CACNA1I: variants seen among roughly 807,000 people sequenced by gnomAD.
CACNA1I encodes voltage-dependent T-type calcium channel subunit alpha-1I.
A neutral mutation model predicts 201.6 loss-of-function variants in CACNA1I; 74 were observed. The ratio of observed to expected loss-of-function variants is 0.37; its 90% CI spans 0.30 to 0.45. CACNA1I has a LOEUF of 0.45. CACNA1I is among the 20% of genes least tolerant of loss of function. The pLI is 1.00. For missense variants in CACNA1I, 2,346 were observed against 3,138.1 expected (o/e 0.75, Z 6.03); for synonymous variants, 1,431 against 1,345.2 (o/e 1.06, Z -1.40).
At chr22:39,644,933 C>T (rs1287201802) in intron 7 of CACNA1I, among the ~76,000 whole-genome samples, 3 of 152,040 alleles carry the variant, frequency 2.0e-5, no homozygotes, top group Non-Finnish European at 4.4e-5. Flanking sequence ...AGTGATCCTC[C>T]TGCCTTGGCT....
chr22:39,671,161 G>T (rs1035371729), intron 26 of CACNA1I, among the ~76,000 whole-genome samples: 1 of 152,192 alleles, frequency 6.6e-6, no homozygotes, highest in African/African-American at 2.4e-5. Flanking sequence ...GGAAGGGAAC[G>T]GTCAGAGGGA....
At chr22:39,657,324 T>A (rs997178189) in intron 10 of CACNA1I, among the ~76,000 whole-genome samples, 2 of 152,200 alleles carry the variant, frequency 1.3e-5, no homozygotes, top group African/African-American at 4.8e-5. Context: ...CTAGTGGCTT[T>A]GGGCAGGTCC....
At chr22:39,590,848 T>G (rs1012211735) in intron 1 of CACNA1I, among the ~76,000 whole-genome samples, 1 of 152,138 alleles carries the variant, frequency 6.6e-6, no homozygotes, top group Non-Finnish European at 1.5e-5. Flanking sequence ...CAGATTCTTT[T>G]TGATTTTTAT....
In CACNA1I at chr22:39,600,629, T is replaced by C; in HGVS notation, c.458T>C (p.Leu153Pro). 1 of 1,606,918 alleles carries C rather than the reference T, an allele frequency of 6.2e-7. No individual in the cohort carries two copies. The highest frequency in any genetic ancestry group is 8.5e-7 in the Non-Finnish European group (1 of 1,177,144). ...TACCTCGGGGACACATGGAACCGCCTGGATTTCTTCATCGTCATGGCAGGG... is the reference window on the plus strand; with the variant it reads ...TACCTCGGGGACACATGGAACCGCCCGGATTTCTTCATCGTCATGGCAGGG... ...KCYLGDTWNR[L>P]DFFIVMAGMV... Residue 153 changes from leucine to proline, a missense_variant, in exon 3 of 37, where the codon CTG (leucine) becomes CCG (proline). Physicochemically the swap from Leu to Pro is moderately conservative, Grantham distance 98. Around this residue, in one of 13 missense-constraint regions of CACNA1I, gnomAD observed 227 missense variants for 412.5 expected, o/e 0.55. Coordinates refer to ENST00000402142, the MANE Select transcript of CACNA1I (RefSeq NM_021096.4).
At position 39,685,715 on chromosome 22, in the gene CACNA1I, G is replaced by T; in HGVS notation, c.6028-46G>T. The T allele has an allele frequency of 7.1e-7, 1 of 1,402,956 alleles. No individual in the cohort carries two copies. Among genetic ancestry groups the T allele is most frequent in the Non-Finnish European group, 9.2e-7 (1 of 1,086,116 alleles). The allele number at this position is 1,402,956 out of a possible 1,614,324, so 86.9% of individuals were successfully genotyped here. ...GGAGGGCGGCGTCCAGGTTGCTGGG[G>T]TGGGGGCCGACACAGGCGGCCTCCA... On this transcript the variant is annotated intron_variant, in intron 36 of 36. Coordinates refer to ENST00000402142, the MANE Select transcript of CACNA1I (RefSeq NM_021096.4). This position sits in a 1 kb window ranked among gnomAD's most constrained non-coding sequence, Gnocchi z 5.0.
At chr22:39,678,224 T>C (rs1935576535) in intron 31 of CACNA1I, 116 bp downstream of exon 31, 1 of 1,239,974 alleles carries the variant, frequency 8.1e-7, no homozygotes. Context: ...GGGAGGGGCA[T>C]GCAGGGCACG....
chr22:39,637,057 C>T (rs1200421148), intron 5 of CACNA1I, among the ~76,000 whole-genome samples: 1 of 152,232 alleles, frequency 6.6e-6, no homozygotes, highest in East Asian at 1.9e-4. Context: ...GTGTGGGTGT[C>T]AGGACACTGT....
chr22:39,602,014 T>TCCC (rs1933072458), intron 3 of CACNA1I, among the ~76,000 whole-genome samples: 1 of 4,666 alleles, frequency 2.1e-4, no homozygotes, highest in Non-Finnish European at 4.0e-4. Context: ...CCTTCCTTCC[T>TCCC]TCCCTCCTTC....
chr22:39,640,353 C>T (rs1160656897), intron 5 of CACNA1I, among the ~76,000 whole-genome samples: 3 of 152,120 alleles, frequency 2.0e-5, no homozygotes, highest in Admixed American at 1.3e-4. Context: ...CTCACCACTG[C>T]ACTCCAGCCT....
intron 10 of CACNA1I, among the ~76,000 whole-genome samples, chr22:39,655,850 TGAGG>T (rs1934799460): frequency 6.6e-6 from 1 of 152,216 alleles, no homozygotes. Flanking sequence ...ACATCTGTTG[TGAGG>T]GAGGAGGAGG....
chr22:39,608,570 G>A (rs1180516413), intron 3 of CACNA1I, among the ~76,000 whole-genome samples: 2 of 152,112 alleles, frequency 1.3e-5, no homozygotes, highest in African/African-American at 4.8e-5. Flanking sequence ...TGAGTGCAGT[G>A]GCTCTTGCCT....
intron 23 of CACNA1I, among the ~76,000 whole-genome samples, 164 bp from the exon 24 acceptor site, chr22:39,668,128 C>T (rs1935252660): frequency 6.6e-6 from 1 of 152,178 alleles, no homozygotes; most frequent in Non-Finnish European, 1.5e-5. Context: ...ATAGTAGGTC[C>T]TTAGGAAAGT....
rs144623912 is a variant in CACNA1I, at chr22:39,574,381, A to G, written c.236+3393A>G. Among the ~76,000 whole-genome samples, 7 of 152,168 alleles carry G rather than the reference A, an allele frequency of 4.6e-5. No individual in the cohort carries two copies. The East Asian group carries it at 1.4e-3, about 29-fold the overall frequency. On this transcript the variant is annotated intron_variant, in intron 1 of 36. Coordinates refer to ENST00000402142, the MANE Select transcript of CACNA1I (RefSeq NM_021096.4). ...GAGAGGGGCCAAGGAGGGTTCCACAAACAGAGACCCAGGAGACGTGGCTGT... is the reference window on the plus strand; with the variant it reads ...GAGAGGGGCCAAGGAGGGTTCCACAGACAGAGACCCAGGAGACGTGGCTGT...
intron 10 of CACNA1I, among the ~76,000 whole-genome samples, chr22:39,654,651 T>C (rs1315379448): frequency 6.6e-6 from 1 of 152,144 alleles, no homozygotes; most frequent in African/African-American, 2.4e-5. Context: ...ATTCCAGCTC[T>C]ATAGGGGCCC....
At chr22:39,650,381 C>T (rs1027306939) in intron 10 of CACNA1I, among the ~76,000 whole-genome samples, 6 of 152,114 alleles carry the variant, frequency 3.9e-5, no homozygotes, top group South Asian at 4.1e-4. Context: ...TGCAGTGGCA[C>T]GATCAAGCGA....
rs149434178 is a variant in CACNA1I at position 39,676,520 on chromosome 22, T to C, written c.4855-821T>C. On this transcript the variant is annotated intron_variant, in intron 29 of 36. Coordinates refer to ENST00000402142, the MANE Select transcript of CACNA1I (RefSeq NM_021096.4). This position sits in a 1 kb window ranked among gnomAD's most constrained non-coding sequence, Gnocchi z 4.8. ...AAGAATGTGTTTTAGCCTTATCTTATCCATAGCATGAGTTAAAGGTGGTCT... is the reference window on the plus strand; with the variant it reads ...AAGAATGTGTTTTAGCCTTATCTTACCCATAGCATGAGTTAAAGGTGGTCT... 0.011 allele frequency among the ~76,000 whole-genome samples: 1,638 copies of C among 152,340 alleles called. 15 individuals carry two copies. Among genetic ancestry groups the C allele is most frequent in the Non-Finnish European group, 0.02 (1,330 of 68,026 alleles).
intron 29 of CACNA1I, among the ~76,000 whole-genome samples, chr22:39,675,632 C>T (rs1416571536): frequency 1.3e-5 from 2 of 152,198 alleles, no homozygotes; most frequent in Non-Finnish European, 2.9e-5. Flanking sequence ...GCCATTTCCT[C>T]GATTCTACGT....
intron 4 of CACNA1I, among the ~76,000 whole-genome samples, chr22:39,627,285 T>C (rs892294762): frequency 3.3e-5 from 5 of 152,202 alleles, no homozygotes; most frequent in Admixed American, 2.6e-4. Context: ...TGCCTTTCAC[T>C]GTTGGGGTGC....
chr22:39,673,131 T>A, intron 28 of CACNA1I, 49 bp downstream of exon 28: 1 of 1,524,866 alleles, frequency 6.6e-7, no homozygotes, highest in South Asian at 1.2e-5. Context: ...AGGGGCGGGA[T>A]GAGACTCCTC....
Sources: allele counts gnomAD v4.1 joint callset (sites outside exome capture counted in the v4.1 genomes callset), GRCh38; gene constraint gnomAD v4.1.1; regional missense constraint gnomAD v4.1.1; non-coding constraint Gnocchi (gnomAD v3.1); transcripts MANE v1.5; gene names NCBI Gene and HGNC (gene_info 2026-07-23, HGNC 2026-07-21).